The following FHDC1 variants were observed in gnomAD, a reference collection of about 807,000 sequenced individuals.
FHDC1 encodes FH2 domain containing 1.
A neutral mutation model predicts 52.6 loss-of-function variants in FHDC1; 25 were observed. The ratio of observed to expected loss-of-function variants is 0.48; its 90% CI spans 0.35 to 0.66. The LOEUF is 0.66. FHDC1 is among the 30% of genes least tolerant of loss of function. The pLI is 0.01. For synonymous variants in FHDC1, 616 were observed against 581.5 expected, an observed-to-expected ratio of 1.06 and a Z score of -0.85; for missense variants, 1,459 against 1,452.8, an observed-to-expected ratio of 1.00 and a Z score of -0.07.
At chr4:152,973,872 G>A (rs1740752140) in intron 11 of FHDC1, among the ~76,000 whole-genome samples, 2 of 152,254 alleles carry the variant, frequency 1.3e-5, no homozygotes, top group South Asian at 4.1e-4. Context: ...CTCTGGTGCA[G>A]TTTCGATGGG....
chr4:152,914,160 A>G, the FHDC1 span, among the ~76,000 whole-genome samples: 9 of 152,246 alleles, frequency 5.9e-5, no homozygotes, highest in South Asian at 1.9e-3. Flanking sequence ...TTCCTTTACT[A>G]TTTTTACAGT....
chr4:152,944,415 A>G (rs561743121), intron 2 of FHDC1, among the ~76,000 whole-genome samples: 2 of 152,322 alleles, frequency 1.3e-5, no homozygotes, highest in South Asian at 4.1e-4. Context: ...AACAACAACA[A>G]CAAAACAGAG....
chr4:152,913,792 CCT>C, the FHDC1 span, among the ~76,000 whole-genome samples: 2 of 152,140 alleles, frequency 1.3e-5, no homozygotes, highest in African/African-American at 4.8e-5. Flanking sequence ...GATGCTTCTG[CCT>C]CTCAGCCTCC....
rs780711170 is a variant in FHDC1 at position 152,960,469 on chromosome 4, CT to C, written c.664-95del. 9.3e-6 allele frequency: 10 copies of C among 1,074,868 alleles called. No individual in the cohort carries two copies. The South Asian group carries it at 1.5e-4, about 17-fold the overall frequency. 66.6% of individuals were successfully genotyped at this position (1,074,868 alleles called of 1,614,324 possible). A position where few individuals can be genotyped will look rare whatever the true frequency, so the allele number is the denominator to read the frequency against. ...TTAATTTGAATTTAGCACTAAAATCCTATTTTTTTAGAAGAATTGGAAGATG... is the reference window on the plus strand; with the variant it reads ...TTAATTTGAATTTAGCACTAAAATCCATTTTTTTAGAAGAATTGGAAGATG... On this transcript the variant is annotated intron_variant, in intron 4 of 11. Coordinates refer to ENST00000511601, the MANE Select transcript of FHDC1 (RefSeq NM_001371116.1).
At chr4:152,916,891 C>G in the FHDC1 span, 29 of 152,280 alleles carry the variant, frequency 1.9e-4, no homozygotes, top group African/African-American at 6.5e-4. Context: ...TAAACTGGAC[C>G]TTTTTCTCTT....
intron 8 of FHDC1, among the ~76,000 whole-genome samples, chr4:152,963,602 A>G (rs571186822): frequency 4.5e-4 from 68 of 152,024 alleles, no homozygotes; most frequent in African/African-American, 1.4e-3. Context: ...TAATGGTCAT[A>G]GGGACAGAGA....
chr4:152,960,727 A>C lies in FHDC1; in HGVS notation c.750-17A>C. On this transcript the variant is annotated splice_polypyrimidine_tract_variant and intron_variant, in intron 5 of 11. Coordinates refer to ENST00000511601, the MANE Select transcript of FHDC1 (RefSeq NM_001371116.1). ...TAATGACATCAAATTCTACAGTTTT[A>C]CTTTTTTATTTTTCAGCTATTCACT... 1 of 1,611,616 alleles carries C rather than the reference A, an allele frequency of 6.2e-7. No homozygotes were observed. The highest frequency in any genetic ancestry group is 8.5e-7 in the Non-Finnish European group (1 of 1,179,262).
At chr4:152,920,113 AATTTT>A in the FHDC1 span, among the ~76,000 whole-genome samples, 2 of 151,868 alleles carry the variant, frequency 1.3e-5, no homozygotes, top group African/African-American at 4.8e-5. Context: ...ACAGCTGGCC[AATTTT>A]TTGTATTTTA....
At chr4:152,949,124 TAAGAAGAAGAAGAAGAAGAAG>T (rs201070214) in intron 2 of FHDC1, among the ~76,000 whole-genome samples, 1,493 of 74,662 alleles carry the variant, frequency 0.02, 23 homozygotes, top group South Asian at 0.031. Context: ...ATAATAATAA[TAAGAAGAAGAAGAAGAAGAAG>T]AAGAAGAAGA....
At position 152,975,297 on chromosome 4, in the gene FHDC1, G is replaced by T; in HGVS notation, c.2006G>T (p.Gly669Val). The T allele has an allele frequency of 6.2e-7, 1 of 1,613,658 alleles. No individual in the cohort carries two copies. The highest frequency in any genetic ancestry group is 1.1e-5 in the South Asian group (1 of 91,086). Residue 669 changes from glycine (G) to valine (V), a missense_variant, in exon 12 of 12, where the codon GGA becomes GTA. Physicochemically the swap from Gly to Val is moderately radical, Grantham distance 109. Transcript: ENST00000511601. Reference sequence around the variant, plus strand: ...CCTCCTCTCTCGCCATTGGCTCTGGGAATTAAGGAGCATGAGCTGGTGACA... The same window carrying T: ...CCTCCTCTCTCGCCATTGGCTCTGGTAATTAAGGAGCATGAGCTGGTGACA... ...QSPPLSPLAL[G>V]IKEHELVTGL...
chr4:152,922,439 C>A, the FHDC1 span, among the ~76,000 whole-genome samples: 3 of 152,160 alleles, frequency 2.0e-5, no homozygotes, highest in African/African-American at 7.2e-5. Context: ...CAAGGAGGAA[C>A]TGGTACCATT....
At chr4:152,913,220 G>A in the FHDC1 span, among the ~76,000 whole-genome samples, 1 of 152,144 alleles carries the variant, frequency 6.6e-6, no homozygotes, top group Non-Finnish European at 1.5e-5. Flanking sequence ...TCCCATTGGG[G>A]AAAAAATCCA....
chr4:152,960,164 T>A (rs1015619917), intron 4 of FHDC1, among the ~76,000 whole-genome samples: 12 of 152,238 alleles, frequency 7.9e-5, no homozygotes, highest in Non-Finnish European at 1.8e-4. Flanking sequence ...AACCATATTA[T>A]AATGACTCTA....
intron 2 of FHDC1, among the ~76,000 whole-genome samples, chr4:152,952,674 T>G (rs1431838907): frequency 6.6e-6 from 1 of 152,224 alleles, no homozygotes; most frequent in African/African-American, 2.4e-5. Flanking sequence ...TGCAAAATAC[T>G]ATGCAATTTT....
chr4:152,927,385 C>T, the FHDC1 span: 2 of 761,348 alleles, frequency 2.6e-6, no homozygotes, highest in East Asian at 2.4e-5. Flanking sequence ...TGAGACAGGT[C>T]TCAGTCAATT....
Position 152,974,677 on chromosome 4 carries a change from C to T in FHDC1, c.1386C>T (p.Asp462=). Residue 462 remains aspartate, a splice_region_variant and synonymous_variant, in exon 12 of 12, where the codon GAC becomes GAT. Coordinates refer to ENST00000511601, the MANE Select transcript of FHDC1 (RefSeq NM_001371116.1). Reference sequence around the variant, plus strand: ...TCGGGCTTCTCTCCATCCCTCAGGACAACCACGACCGGGAGGCGCAGGAGC... The same window carrying T: ...TCGGGCTTCTCTCCATCCCTCAGGATAACCACGACCGGGAGGCGCAGGAGC... ...FCTKFNKAVK[D]NHDREAQELR... is the part of the protein sequence containing the mutation. 1.3e-6 allele frequency: 2 copies of T among 1,509,232 alleles called. No homozygotes were observed. The highest frequency in any genetic ancestry group is 1.8e-6 in the Non-Finnish European group (2 of 1,129,076). The allele number at this position is 1,509,232 out of a possible 1,614,324, so 93.5% of individuals were successfully genotyped here.
chr4:152,914,804 T>C, the FHDC1 span, among the ~76,000 whole-genome samples: 29 of 152,250 alleles, frequency 1.9e-4, no homozygotes, highest in African/African-American at 6.7e-4. Context: ...ATAGGGCACA[T>C]AGGAAGAAGA....
Position 152,975,026 on chromosome 4 carries a change from G to A in FHDC1, c.1735G>A (p.Ala579Thr). 1 of 1,612,602 alleles carries A rather than the reference G, an allele frequency of 6.2e-7. No individual in the cohort carries two copies. Among genetic ancestry groups the A allele is most frequent in the Non-Finnish European group, 8.5e-7 (1 of 1,179,794 alleles). Residue 579 changes from alanine (A) to threonine (T), a missense_variant, in exon 12 of 12, where the codon GCC becomes ACC. Transcript: ENST00000511601. The part of the protein sequence containing the change: ...HSLPRSSPRQ[A>T]RPTIACLEPA... Reference sequence around the variant, plus strand: ...CCTGCCCCGGAGCAGCCCCCGGCAGGCCCGGCCCACGATAGCCTGCCTGGA... The same window carrying A: ...CCTGCCCCGGAGCAGCCCCCGGCAGACCCGGCCCACGATAGCCTGCCTGGA...
At chr4:152,939,289 AGTGTGTGTTTAT>A (rs917267286) in intron 1 of FHDC1, among the ~76,000 whole-genome samples, 3 of 151,574 alleles carry the variant, frequency 2.0e-5, no homozygotes, top group Non-Finnish European at 4.4e-5. Context: ...TGTGTGTTTG[AGTGTGTGTTTAT>A]GTGTGTGTGT....
Sources: allele counts gnomAD v4.1 joint callset (sites outside exome capture counted in the v4.1 genomes callset), GRCh38; gene constraint gnomAD v4.1.1; transcripts MANE v1.5; gene names NCBI Gene and HGNC (gene_info 2026-07-23, HGNC 2026-07-21).